The following OPCML variants were observed in gnomAD, a reference collection of about 807,000 sequenced individuals.
OPCML encodes the protein opioid binding protein/cell adhesion molecule like, also known as opioid-binding protein/cell adhesion molecule.
OPCML carries 13 observed loss-of-function variants against 37.8 expected under a neutral mutation model. The ratio of observed to expected loss-of-function variants is 0.34; its 90% CI spans 0.22 to 0.55. The LOEUF (loss-of-function observed/expected upper bound fraction) is 0.55. Ranked by LOEUF, OPCML falls within the 20% of genes least tolerant of loss-of-function variation. OPCML has a pLI of 0.91. For synonymous variants in OPCML, 176 were observed against 168.8 expected (o/e 1.04, Z -0.33); for missense variants, 341 against 435.6 (o/e 0.78, Z 1.93).
At chr11:133,029,960 G>A (rs1947635826) in intron 1 of OPCML, among the ~76,000 whole-genome samples, 1 of 152,120 alleles carries the variant, frequency 6.6e-6, no homozygotes, top group Non-Finnish European at 1.5e-5. Flanking sequence ...AGCACAAACA[G>A]GTGAAGTAAC....
intron 1 of OPCML, among the ~76,000 whole-genome samples, chr11:133,443,956 A>T (rs1946418176): frequency 6.6e-6 from 1 of 152,164 alleles, no homozygotes; most frequent in South Asian, 2.1e-4. Context: ...ACACAAAAAA[A>T]CTAAATAGAA....
chr11:132,623,591 C>T (rs377634894), intron 3 of OPCML, among the ~76,000 whole-genome samples: 16 of 152,204 alleles, frequency 1.1e-4, no homozygotes, highest in African/African-American at 3.9e-4. Context: ...ATTATATACA[C>T]TGTTTTAACG....
At chr11:133,108,280 C>G (rs1186404158) in intron 1 of OPCML, among the ~76,000 whole-genome samples, 1 of 152,148 alleles carries the variant, frequency 6.6e-6, no homozygotes, top group African/African-American at 2.4e-5. Context: ...AGTCTTAGTC[C>G]TTAGAAGGGT....
At chr11:132,874,333 G>A (rs983832968) in intron 2 of OPCML, among the ~76,000 whole-genome samples, 2 of 152,116 alleles carry the variant, frequency 1.3e-5, no homozygotes, top group Non-Finnish European at 2.9e-5. Context: ...CTGCAGCAGT[G>A]TTGAGAGAAA....
At chr11:133,059,870 A>C (rs1234445533) in intron 1 of OPCML, among the ~76,000 whole-genome samples, 1 of 152,228 alleles carries the variant, frequency 6.6e-6, no homozygotes, top group African/African-American at 2.4e-5. Context: ...CATGGAAACC[A>C]ACTCACAGTA....
intron 1 of OPCML, among the ~76,000 whole-genome samples, chr11:133,467,970 T>A (rs1295648310): frequency 2.0e-5 from 3 of 152,184 alleles, no homozygotes; most frequent in Non-Finnish European, 2.9e-5. Flanking sequence ...TTACTACCTC[T>A]GGGACCTTGG....
intron 1 of OPCML, among the ~76,000 whole-genome samples, chr11:133,075,597 G>A (rs1443758234): frequency 3.3e-5 from 5 of 152,316 alleles, no homozygotes; most frequent in Admixed American, 6.5e-5. Flanking sequence ...TGCCTCTCAC[G>A]CCTGGCCCCC....
At chr11:132,781,347 C>T (rs1007571643) in intron 2 of OPCML, among the ~76,000 whole-genome samples, 5 of 151,934 alleles carry the variant, frequency 3.3e-5, no homozygotes, top group Non-Finnish European at 7.4e-5. Context: ...ACTTCTCCTG[C>T]CTAACTGCTT....
At chr11:133,369,354 A>C (rs2136746570) in intron 1 of OPCML, among the ~76,000 whole-genome samples, 1 of 152,354 alleles carries the variant, frequency 6.6e-6, no homozygotes, top group East Asian at 1.9e-4. Context: ...GCAGTACTGC[A>C]ATGAATATCA....
chr11:133,295,293 C>T (rs923110059), intron 1 of OPCML, among the ~76,000 whole-genome samples: 4 of 152,158 alleles, frequency 2.6e-5, no homozygotes, highest in African/African-American at 9.7e-5. Context: ...CAAGAAAATA[C>T]TAAAAATTTC....
intron 1 of OPCML, among the ~76,000 whole-genome samples, chr11:133,505,649 C>T (rs1054089407): frequency 2.0e-5 from 3 of 152,228 alleles, no homozygotes; most frequent in Non-Finnish European, 4.4e-5. Context: ...TAGACATTGG[C>T]CTCCAGTGCC....
intron 2 of OPCML, among the ~76,000 whole-genome samples, chr11:132,758,710 T>C (rs1258522271): frequency 6.6e-6 from 1 of 152,212 alleles, no homozygotes; most frequent in Non-Finnish European, 1.5e-5. Context: ...GCTTAAACAA[T>C]GGTGTTTTCT....
In OPCML at chr11:133,173,813, C is replaced by T. The variant is rs903135334; in HGVS notation, c.62-230803G>A. On this transcript the variant is annotated intron_variant, in intron 1 of 7. Coordinates refer to ENST00000524381, the MANE Select transcript of OPCML (RefSeq NM_001012393.5). The surrounding 1 kb of genome is among the most constrained non-coding windows in gnomAD (Gnocchi z 7.8). ...CATCCCAGCTTCCATAGCAATACGA[C>T]AGAGCCTAAAGATGCAGGCCTTGAG... 1.3e-5 allele frequency among the ~76,000 whole-genome samples: 2 copies of T among 152,144 alleles called. No individual in the cohort carries two copies. Among genetic ancestry groups the T allele is most frequent in the Non-Finnish European group, 2.9e-5 (2 of 68,026 alleles).
chr11:133,349,945 C>G (rs890546141), intron 1 of OPCML, among the ~76,000 whole-genome samples: 3 of 152,188 alleles, frequency 2.0e-5, no homozygotes, highest in African/African-American at 7.2e-5. Flanking sequence ...CACTAGTGGA[C>G]TGGACACAGG....
chr11:132,770,828 G>A (rs980286736), intron 2 of OPCML, among the ~76,000 whole-genome samples: 1 of 152,148 alleles, frequency 6.6e-6, no homozygotes, highest in Non-Finnish European at 1.5e-5. Flanking sequence ...GGGGACTCAG[G>A]GGGCCCAGTG....
At chr11:133,222,768 G>C (rs1939890843) in intron 1 of OPCML, among the ~76,000 whole-genome samples, 1 of 151,902 alleles carries the variant, frequency 6.6e-6, no homozygotes, top group Non-Finnish European at 1.5e-5. Flanking sequence ...AAAAGAGGGA[G>C]GAGAGAATTA....
At chr11:132,900,146 C>A (rs771728714) in intron 2 of OPCML, among the ~76,000 whole-genome samples, 9 of 152,134 alleles carry the variant, frequency 5.9e-5, no homozygotes, top group Non-Finnish European at 1.0e-4. Context: ...CTCTTAACTG[C>A]AAAGCAATTC....
intron 1 of OPCML, among the ~76,000 whole-genome samples, chr11:133,350,779 T>C (rs1192382893): frequency 6.6e-6 from 1 of 152,216 alleles, no homozygotes; most frequent in Non-Finnish European, 1.5e-5. Context: ...TCCTATGTAC[T>C]AGGCATACAC....
At chr11:133,472,522 G>A (rs574799244) in intron 1 of OPCML, among the ~76,000 whole-genome samples, 43 of 151,746 alleles carry the variant, frequency 2.8e-4, no homozygotes, top group South Asian at 1.3e-3. Flanking sequence ...GGCAAACCCC[G>A]ATCTTCGGCT....
Sources: allele counts gnomAD v4.1 joint callset (sites outside exome capture counted in the v4.1 genomes callset), GRCh38; gene constraint gnomAD v4.1.1; non-coding constraint Gnocchi (gnomAD v3.1); transcripts MANE v1.5; gene names NCBI Gene and HGNC (gene_info 2026-07-23, HGNC 2026-07-21).